Variants in ABCC6 observed in about 807,000 individuals in gnomAD.
ABCC6 encodes the protein ATP-binding cassette sub-family C member 6.
In ABCC6, 126 loss-of-function variants were observed where a neutral mutation model predicts 169.5. The observed-to-expected ratio is 0.74, with a 90% CI of 0.64 to 0.86. The LOEUF (loss-of-function observed/expected upper bound fraction) is 0.86. ABCC6 is among the 40% of genes least tolerant of loss of function. ABCC6 has a pLI of 0.00. For synonymous variants in ABCC6, 752 were observed against 814.7 expected (o/e 0.92, Z 1.31); for missense variants, 1,733 against 1,927.2 (o/e 0.90, Z 1.89).
At chr16:16,188,789 C>G (rs373718628) in intron 13 of ABCC6, 42 bp downstream of exon 13, 7 of 1,597,560 alleles carry the variant, frequency 4.4e-6, no homozygotes, top group Middle Eastern at 1.7e-4. Context: ...GTGTAGCCCA[C>G]GCACTCTCCC....
intron 20 of ABCC6, among the ~76,000 whole-genome samples, chr16:16,174,341 G>A (rs537821182): frequency 1.3e-5 from 2 of 152,334 alleles, no homozygotes; most frequent in South Asian, 4.1e-4. Flanking sequence ...CCTCACTTCT[G>A]TTTTCTGTCC....
intron 15 of ABCC6, among the ~76,000 whole-genome samples, chr16:16,183,454 T>A (rs375868784): frequency 5.9e-5 from 9 of 152,036 alleles, no homozygotes; most frequent in East Asian, 1.9e-4. Context: ...ACCAGAGGGA[T>A]CTGTTAAAAC....
chr16:16,202,036 A>G lies in ABCC6; in HGVS notation c.1141T>C (p.Leu381=), dbSNP rs72664284. The change falls in exon 9 of 31, where the codon TTG becomes CTG. Residue 381 remains leucine (L), a synonymous_variant. Transcript: ENST00000205557. ...ACCAGGCCAGTGATGGCCGACCGCAACCTCATCTGCAGCACCTTGAGCCTG... is the reference window on the plus strand; with the variant it reads ...ACCAGGCCAGTGATGGCCGACCGCAGCCTCATCTGCAGCACCTTGAGCCTG... The part of the protein sequence containing the change: ...MYRLKVLQMR[L]RSAITGLVYR... The G allele has an allele frequency of 8.4e-5, 136 of 1,613,524 alleles. 1 individual carries two copies. The highest frequency in any genetic ancestry group is 7.8e-4 in the East Asian group (35 of 44,798).
At chr16:16,195,976 G>A (rs1367368138) in intron 10 of ABCC6, among the ~76,000 whole-genome samples, 1 of 152,142 alleles carries the variant, frequency 6.6e-6, no homozygotes, top group Non-Finnish European at 1.5e-5. Flanking sequence ...TTGGGAGGCT[G>A]AGGTGGGCAG....
chr16:16,186,999 C>T (rs1411419653), intron 14 of ABCC6, 125 bp downstream of exon 14: 20 of 793,420 alleles, frequency 2.5e-5, no homozygotes, highest in Non-Finnish European at 3.0e-5. Flanking sequence ...GTGATCTGCA[C>T]GTGTCATCCA....
At position 16,188,751 on chromosome 16, in the gene ABCC6, A is replaced by G. The variant is rs1381344733; in HGVS notation, c.1779+80T>C. 2.6e-6 allele frequency: 4 copies of G among 1,525,462 alleles called. No homozygotes were observed. In the African/African-American group the frequency reaches 5.5e-5, roughly 21 times the overall value. The allele number at this position is 1,525,462 out of a possible 1,614,324, so 94.5% of individuals were successfully genotyped here. A position where few individuals can be genotyped will look rare whatever the true frequency, so the allele number is the denominator to read the frequency against. ...ACTCTGTCTTCCCTCTCCTCTGCAA[A>G]TGGCAGGGGTAGGGAAGCTGGAGCC... On this transcript the variant is annotated intron_variant, in intron 13 of 30. Transcript: ENST00000205557.
At chr16:16,175,818 T>C (rs1180611709) in intron 20 of ABCC6, 93 bp downstream of exon 20, 5 of 1,413,626 alleles carry the variant, frequency 3.5e-6, no homozygotes, top group Non-Finnish European at 4.9e-6. Context: ...ATGGTTTTGG[T>C]TGCCCGCCTA....
chr16:16,203,615 T>C lies in ABCC6; in HGVS notation c.795-2A>G. 1 of 1,613,974 alleles carries C rather than the reference T, an allele frequency of 6.2e-7. No homozygotes were observed. Among genetic ancestry groups the C allele is most frequent in the South Asian group, 1.1e-5 (1 of 91,072 alleles). On this transcript the variant is annotated splice_acceptor_variant, in intron 7 of 30. Transcript: ENST00000205557. LOFTEE classifies it high-confidence loss of function. Reference sequence around the variant, plus strand: ...TTAAATGCTATTGCCTTGTTGTGCCTGAGGGGAAGGGAGAGATTAGCTCTG... The same window carrying C: ...TTAAATGCTATTGCCTTGTTGTGCCCGAGGGGAAGGGAGAGATTAGCTCTG...
chr16:16,199,298 C>T (rs186244254), intron 9 of ABCC6, among the ~76,000 whole-genome samples: 44 of 148,342 alleles, frequency 3.0e-4, no homozygotes, highest in South Asian at 6.5e-4. Flanking sequence ...AAATGTGAGA[C>T]GAGAATCAAT....
In ABCC6 at chr16:16,165,738, C is replaced by T. The variant is rs774796759; in HGVS notation, c.3191G>A (p.Arg1064Gln). Residue 1064 changes from arginine (R) to glutamine (Q), a missense_variant, in exon 23 of 31, where the codon CGG (arginine) becomes CAG (glutamine). Transcript: ENST00000205557. Reference protein sequence around the residue: ...TVDVDIPDKLRSLLMYAFGLL... With the variant: ...TVDVDIPDKLQSLLMYAFGLL... Reference sequence around the variant, plus strand: ...TCCAAAGGCGTACATCAGCAGGGACCGGAGTTTGTCTGGAATGTCCACGTC... The same window carrying T: ...TCCAAAGGCGTACATCAGCAGGGACTGGAGTTTGTCTGGAATGTCCACGTC... 1.6e-5 allele frequency: 26 copies of T among 1,613,620 alleles called. No homozygotes were observed. The highest frequency in any genetic ancestry group is 1.6e-4 in the Middle Eastern group (1 of 6,084).
rs567859694 is a variant in ABCC6, at chr16:16,195,642, G to A, written c.1338+2379C>T. Among the ~76,000 whole-genome samples the A allele has an allele frequency of 4.6e-5, 7 of 151,968 alleles. No individual in the cohort carries two copies. In the East Asian group the frequency reaches 1.2e-3, roughly 25 times the overall value. ...CTCATCTGATTTTTAGCAACGGTGG[G>A]GTCAACCTGATCAATTGCCCTGAAT... On this transcript the variant is annotated intron_variant, in intron 10 of 30. Coordinates refer to ENST00000205557, the MANE Select transcript of ABCC6 (RefSeq NM_001171.6).
chr16:16,202,347 C>G (rs543568922), intron 8 of ABCC6, among the ~76,000 whole-genome samples, 169 bp from the exon 9 acceptor site: 6 of 151,788 alleles, frequency 4.0e-5, no homozygotes, highest in African/African-American at 1.5e-4. Flanking sequence ...GTTATTTCCC[C>G]CACTGTCCAT....
At chr16:16,160,255 T>A (rs1171740849) in intron 25 of ABCC6, among the ~76,000 whole-genome samples, 3 of 152,206 alleles carry the variant, frequency 2.0e-5, no homozygotes, top group African/African-American at 7.2e-5. Context: ...GCCTCTTACT[T>A]CATCCTTAAG....
chr16:16,153,433 A>G (rs1213653835), intron 29 of ABCC6, among the ~76,000 whole-genome samples: 2 of 152,182 alleles, frequency 1.3e-5, no homozygotes, highest in Non-Finnish European at 2.9e-5. Context: ...GAAATAAGCC[A>G]GTCACAAAAG....
At chr16:16,204,662 C>T (rs962618506) in intron 7 of ABCC6, among the ~76,000 whole-genome samples, 12 of 152,002 alleles carry the variant, frequency 7.9e-5, no homozygotes, top group African/African-American at 2.9e-4. Context: ...AAGCCCTGGG[C>T]CAGAAAGGAG....
At position 16,169,627 on chromosome 16, in the gene ABCC6, G is replaced by A; in HGVS notation, c.2995+19C>T. On this transcript the variant is annotated intron_variant, in intron 22 of 30. Coordinates refer to ENST00000205557, the MANE Select transcript of ABCC6 (RefSeq NM_001171.6). ...GTGCAGCTGGGAGGAGAGGGATGAGGAGGGCAGGTGAGGCGTACCTTGGAG... is the reference window on the plus strand; with the variant it reads ...GTGCAGCTGGGAGGAGAGGGATGAGAAGGGCAGGTGAGGCGTACCTTGGAG... 1 of 1,609,796 alleles carries A rather than the reference G, an allele frequency of 6.2e-7. No individual in the cohort carries two copies. The highest frequency in any genetic ancestry group is 1.3e-5 in the African/African-American group (1 of 74,944).
intron 6 of ABCC6, among the ~76,000 whole-genome samples, chr16:16,209,668 A>G (rs1349386256): frequency 6.6e-6 from 1 of 151,204 alleles, no homozygotes; most frequent in East Asian, 2.0e-4. Flanking sequence ...CACTGATGTG[A>G]TCTGGGCTCA....
At position 16,190,271 on chromosome 16, in the gene ABCC6, A is replaced by T. The variant is rs1481882589; in HGVS notation, c.1528T>A (p.Phe510Ile). The part of the protein sequence containing the change: ...TIKFHGWEGA[F>I]LDRVLGIRGQ... ...CGGATGCCCAGGACTCTGTCCAGAA[A>T]GGCTCCCTCCCAGCCATGGAACTTG... The change falls in exon 12 of 31, where the codon TTT becomes ATT. Residue 510 changes from phenylalanine (F) to isoleucine (I), a missense_variant. Phe to Ile is a conservative substitution (Grantham distance 21). Coordinates refer to ENST00000205557, the MANE Select transcript of ABCC6 (RefSeq NM_001171.6). 6.2e-7 allele frequency: 1 copy of T among 1,613,966 alleles called. No individual in the cohort carries two copies. Among genetic ancestry groups the T allele is most frequent in the African/African-American group, 1.3e-5 (1 of 74,894 alleles).
Position 16,208,780 on chromosome 16 carries a change from G to A in ABCC6, c.742C>T (p.Leu248Phe), listed in dbSNP as rs72653756. 7.0e-4 allele frequency: 1,125 copies of A among 1,613,476 alleles called. 3 individuals are homozygous for A. Among genetic ancestry groups the A allele is most frequent in the African/African-American group, 5.7e-3 (427 of 74,864 alleles). Residue 248 changes from leucine to phenylalanine, a missense_variant, in exon 7 of 31, where the codon CTT becomes TTT. By Grantham distance (22) the Leu-to-Phe change is conservative. Coordinates refer to ENST00000205557, the MANE Select transcript of ABCC6 (RefSeq NM_001171.6). ...SLGRENSSEE[L>F]VSRLEKEWMR... ...CACTCCTTTTCAAGCCGGGAAACAA[G>A]TTCTTCTGAGGAGTTTTCTCTCCCA... is the stretch of plus-strand genomic sequence containing the variant.
Sources: allele counts gnomAD v4.1 joint callset (sites outside exome capture counted in the v4.1 genomes callset), GRCh38; gene constraint gnomAD v4.1.1; transcripts MANE v1.5; gene names NCBI Gene and HGNC (gene_info 2026-07-23, HGNC 2026-07-21).